Variants in TECRL observed in about 807,000 individuals in gnomAD.
The protein encoded by TECRL is trans-2,3-enoyl-CoA reductase like, also known as trans-2,3-enoyl-CoA reductase-like.
In TECRL, 63 loss-of-function variants were observed where a neutral mutation model predicts 52.8. The ratio of observed to expected loss-of-function variants is 1.19; its 90% CI spans 0.97 to 1.47. TECRL has a LOEUF of 1.47. Among genes scored for constraint, TECRL ranks in the 40% most tolerant of loss-of-function variants. TECRL has a pLI of 0.00. For missense variants in TECRL, 482 were observed against 429.6 expected (o/e 1.12, Z -1.08); for synonymous variants, 164 against 141.9 (o/e 1.16, Z -1.10).
rs1266011749 is a variant in TECRL at position 64,278,099 on chromosome 4, T to A, written c.*1973A>T. ...ATACACATATACACACGTACACACA[T>A]ATTTTGAAATATATTTCAGAAGATG... On this transcript the variant is annotated 3_prime_UTR_variant, in exon 12 of 12. Coordinates refer to ENST00000381210, the MANE Select transcript of TECRL (RefSeq NM_001010874.5). 7.4e-6 allele frequency: 1 copy of A among 135,800 alleles called. No homozygotes were observed. Among genetic ancestry groups the A allele is most frequent in the Non-Finnish European group, 1.7e-5 (1 of 58,426 alleles). 8.4% of individuals were successfully genotyped at this position (135,800 alleles called of 1,614,324 possible). A position where few individuals can be genotyped will look rare whatever the true frequency, so the allele number is the denominator to read the frequency against.
chr4:64,320,775 A>G (rs925484327), intron 4 of TECRL, among the ~76,000 whole-genome samples: 3 of 152,058 alleles, frequency 2.0e-5, no homozygotes, highest in Admixed American at 2.0e-4. Context: ...ACTCTTTTCT[A>G]AAATCTCTTT....
intron 1 of TECRL, among the ~76,000 whole-genome samples, chr4:64,399,899 G>A (rs141868049): frequency 0.011 from 1,636 of 152,242 alleles, 33 homozygotes; most frequent in African/African-American, 0.037. Flanking sequence ...TACTAGGGCC[G>A]TGCAGAGTGT....
At chr4:64,367,339 C>A (rs1318790000) in intron 2 of TECRL, among the ~76,000 whole-genome samples, 1 of 152,046 alleles carries the variant, frequency 6.6e-6, no homozygotes, top group African/African-American at 2.4e-5. Flanking sequence ...CAACAACAAG[C>A]AATTTACTCA....
chr4:64,280,544 C>T (rs1041923849), intron 11 of TECRL, among the ~76,000 whole-genome samples: 1 of 151,940 alleles, frequency 6.6e-6, no homozygotes, highest in Non-Finnish European at 1.5e-5. Context: ...TATAATAAAC[C>T]ACATTAATTG....
chr4:64,310,632 T>C (rs1724620425), intron 5 of TECRL, among the ~76,000 whole-genome samples: 2 of 152,200 alleles, frequency 1.3e-5, no homozygotes, highest in African/African-American at 2.4e-5. Context: ...TCATGAAGAT[T>C]TGTACCTATT....
At chr4:64,303,799 A>G (rs2109983394) in intron 7 of TECRL, among the ~76,000 whole-genome samples, 1 of 151,936 alleles carries the variant, frequency 6.6e-6, no homozygotes, top group Middle Eastern at 3.4e-3. Flanking sequence ...TAATAGCTGT[A>G]TCTCATGTAT....
intron 1 of TECRL, among the ~76,000 whole-genome samples, chr4:64,377,836 T>G (rs985824555): frequency 6.6e-6 from 1 of 152,118 alleles, no homozygotes; most frequent in Non-Finnish European, 1.5e-5. Context: ...ATTGCTTCTT[T>G]TTAAAACCGT....
At chr4:64,282,906 G>C (rs1252934613) in intron 9 of TECRL, among the ~76,000 whole-genome samples, 1 of 151,880 alleles carries the variant, frequency 6.6e-6, no homozygotes, top group Admixed American at 6.6e-5. Flanking sequence ...TATTATAATA[G>C]AGCTTCTATT....
chr4:64,356,216 A>G (rs913248228), intron 2 of TECRL, among the ~76,000 whole-genome samples: 2 of 152,198 alleles, frequency 1.3e-5, no homozygotes, highest in Admixed American at 6.5e-5. Flanking sequence ...GTATTGTCCA[A>G]GGTTTCTCCC....
Position 64,409,395 on chromosome 4 carries a change from T to G in TECRL, c.-44A>C. On this transcript the variant is annotated 5_prime_UTR_variant, in exon 1 of 12. Transcript: ENST00000381210. ...GGTCTGTCATGTCAAAAGTAGAAAA[T>G]TGCAAGTGTGTTCCTTTTGCATCAG... 1 of 1,594,828 alleles carries G rather than the reference T, an allele frequency of 6.3e-7. No individual in the cohort carries two copies. Among genetic ancestry groups the G allele is most frequent in the Non-Finnish European group, 8.6e-7 (1 of 1,169,350 alleles).
intron 2 of TECRL, among the ~76,000 whole-genome samples, chr4:64,374,048 GATACATATAT>G (rs1344105011): frequency 4.7e-5 from 2 of 42,694 alleles, no homozygotes; most frequent in African/African-American, 1.5e-4. Flanking sequence ...GTATATAGTA[GATACATATAT>G]ATATATATAT....
intron 1 of TECRL, among the ~76,000 whole-genome samples, chr4:64,383,740 CT>C (rs1722982167): frequency 2.6e-5 from 4 of 151,778 alleles, no homozygotes; most frequent in Admixed American, 2.6e-4. Flanking sequence ...TCATAGATTT[CT>C]TTTTCATTGA....
intron 2 of TECRL, among the ~76,000 whole-genome samples, chr4:64,360,800 T>C (rs1464436394): frequency 6.6e-6 from 1 of 151,934 alleles, no homozygotes; most frequent in African/African-American, 2.4e-5. Flanking sequence ...CACTATGGAG[T>C]TCTGGAATCC....
At chr4:64,381,135 A>AT (rs970937923) in intron 1 of TECRL, among the ~76,000 whole-genome samples, 8 of 151,298 alleles carry the variant, frequency 5.3e-5, no homozygotes, top group South Asian at 2.1e-4. Context: ...AATTTATTCA[A>AT]TTTTTTTTGG....
chr4:64,337,083 G>C lies in TECRL; in HGVS notation c.287-8527C>G, dbSNP rs181379215. Among the ~76,000 whole-genome samples the C allele has an allele frequency of 5.0e-3, 767 of 152,054 alleles. 5 individuals are homozygous for C. Among genetic ancestry groups the C allele is most frequent in the African/African-American group, 0.017 (725 of 41,500 alleles). On this transcript the variant is annotated intron_variant, in intron 2 of 11. Coordinates refer to ENST00000381210, the MANE Select transcript of TECRL (RefSeq NM_001010874.5). Reference sequence around the variant, plus strand: ...ATCCTTGTTAATTTTCTGTCTCATTGATCTGTCTAATGTTGACAGTGGGGT... The same window carrying C: ...ATCCTTGTTAATTTTCTGTCTCATTCATCTGTCTAATGTTGACAGTGGGGT...
intron 2 of TECRL, among the ~76,000 whole-genome samples, chr4:64,345,892 T>C (rs1430265845): frequency 3.4e-5 from 1 of 29,478 alleles, no homozygotes; most frequent in African/African-American, 1.2e-4. Flanking sequence ...CCAACACTGA[T>C]GGGTGCCTCA....
chr4:64,320,032 T>C (rs1236520628), intron 4 of TECRL, among the ~76,000 whole-genome samples: 1 of 151,894 alleles, frequency 6.6e-6, no homozygotes, highest in Non-Finnish European at 1.5e-5. Flanking sequence ...GTTAGATACA[T>C]GAACTTATAC....
intron 2 of TECRL, among the ~76,000 whole-genome samples, chr4:64,340,393 G>A (rs1338698881): frequency 7.2e-5 from 11 of 152,214 alleles, no homozygotes; most frequent in Admixed American, 7.2e-4. Flanking sequence ...GCCTTCACAG[G>A]GTTGAAAGTG....
At chr4:64,371,759 C>T (rs1229046587) in intron 2 of TECRL, among the ~76,000 whole-genome samples, 1 of 151,692 alleles carries the variant, frequency 6.6e-6, no homozygotes, top group Non-Finnish European at 1.5e-5. Flanking sequence ...TTCGTTTCTA[C>T]TTACATCTAT....
Sources: allele counts gnomAD v4.1 joint callset (sites outside exome capture counted in the v4.1 genomes callset), GRCh38; gene constraint gnomAD v4.1.1; transcripts MANE v1.5; gene names NCBI Gene and HGNC (gene_info 2026-07-23, HGNC 2026-07-21).